TIMP2: variants seen among roughly 807,000 people sequenced by gnomAD.
TIMP2 encodes metalloproteinase inhibitor 2.
In TIMP2, 5 loss-of-function variants were observed where a neutral mutation model predicts 24.3. The ratio of observed to expected loss-of-function variants is 0.21; its 90% CI spans 0.11 to 0.43. The LOEUF (loss-of-function observed/expected upper bound fraction) is 0.43. Ranked by LOEUF, TIMP2 falls within the 20% of genes least tolerant of loss-of-function variation. The probability of loss-of-function intolerance (pLI) is 1.00; values close to 1 mark genes in which losing one functional copy is unlikely to be tolerated. For missense variants in TIMP2, 221 were observed against 297.5 expected (o/e 0.74, Z 1.89); for synonymous variants, 130 against 123.2 (o/e 1.06, Z -0.37).
chr17:78,893,224 GGT>G lies in TIMP2; in HGVS notation c.131-19307_131-19306del, dbSNP rs544733250. Among the ~76,000 whole-genome samples, 492 of 135,328 alleles carry G rather than the reference GGT, an allele frequency of 3.6e-3. 7 individuals are homozygous for G. Among genetic ancestry groups the G allele is most frequent in the African/African-American group, 0.013 (454 of 35,878 alleles). The allele number at this position is 135,328 out of a possible 152,430, so 88.8% of individuals were successfully genotyped here. ...GGATGTGTGTGCATGTGTGTGCAGGGGTGTGTGTGCATGTGTGTGTAGGAGTG... is the reference window on the plus strand; with the variant it reads ...GGATGTGTGTGCATGTGTGTGCAGGGGTGTGTGCATGTGTGTGTAGGAGTG... On this transcript the variant is annotated intron_variant, in intron 1 of 4. Transcript: ENST00000262768.
At chr17:78,918,065 A>ACACACACGCGCACACACACACTCACAC (rs1555652947) in intron 1 of TIMP2, among the ~76,000 whole-genome samples, 1 of 144,812 alleles carries the variant, frequency 6.9e-6, no homozygotes, top group African/African-American at 2.6e-5. Context: ...TGCACACACA[A>ACACACACGCGCACACACACACTCACAC]ACACACACAC....
chr17:78,891,979 A>T lies in TIMP2; in HGVS notation c.131-18060T>A. On this transcript the variant is annotated intron_variant, in intron 1 of 4. Transcript: ENST00000262768. The surrounding 1 kb of genome is among the most constrained non-coding windows in gnomAD (Gnocchi z 4.5). Reference sequence around the variant, plus strand: ...ACTCTTCCCTGCAACTCCTCTCTTCACTAAGGGCTGCTCTATGCTTCTCCT... The same window carrying T: ...ACTCTTCCCTGCAACTCCTCTCTTCTCTAAGGGCTGCTCTATGCTTCTCCT... 1 of 1,550,356 alleles carries T rather than the reference A, an allele frequency of 6.5e-7. No homozygotes were observed. The highest frequency in any genetic ancestry group is 8.7e-7 in the Non-Finnish European group (1 of 1,146,944).
At chr17:78,874,383 A>T (rs1213564396) in intron 1 of TIMP2, among the ~76,000 whole-genome samples, 1 of 152,086 alleles carries the variant, frequency 6.6e-6, no homozygotes, top group African/African-American at 2.4e-5. Context: ...TCCGCGAAGG[A>T]TGGGACATTT....
intron 3 of TIMP2, 73 bp from the exon 4 acceptor site, chr17:78,857,719 C>T (rs564706146): frequency 4.4e-6 from 7 of 1,593,790 alleles, no homozygotes; most frequent in South Asian, 1.1e-5. Flanking sequence ...CTCCACCCGG[C>T]GCAGGGGCGC....
rs1029278688 is a variant in TIMP2, at chr17:78,896,978, C to T, written c.131-23059G>A. ...CCTCTGGCCTACAGCTTGAGAATGA[C>T]GTCCAAGCAGCTCGCCTTTCCCTGG... On this transcript the variant is annotated intron_variant, in intron 1 of 4. Coordinates refer to ENST00000262768, the MANE Select transcript of TIMP2 (RefSeq NM_003255.5). The surrounding 1 kb of genome is among the most constrained non-coding windows in gnomAD (Gnocchi z 4.4). 7 of 985,388 alleles carry T rather than the reference C, an allele frequency of 7.1e-6. No homozygotes were observed. Among genetic ancestry groups the T allele is most frequent in the Middle Eastern group, 5.2e-4 (1 of 1,914 alleles). The allele number at this position is 985,388 out of a possible 1,614,324, so 61.0% of individuals were successfully genotyped here.
At position 78,891,477 on chromosome 17, in the gene TIMP2, A is replaced by T; in HGVS notation, c.131-17558T>A. 1 of 1,550,952 alleles carries T rather than the reference A, an allele frequency of 6.4e-7. No homozygotes were observed. The highest frequency in any genetic ancestry group is 8.7e-7 in the Non-Finnish European group (1 of 1,147,082). ...ATATTAAACAACTCTTCAAAGGCCA[A>T]CTCCAGCTCTTTCTGCCACTTGTTC... is the stretch of plus-strand genomic sequence containing the variant. On this transcript the variant is annotated intron_variant, in intron 1 of 4. Coordinates refer to ENST00000262768, the MANE Select transcript of TIMP2 (RefSeq NM_003255.5). This position sits in a 1 kb window ranked among gnomAD's most constrained non-coding sequence, Gnocchi z 4.5.
At chr17:78,876,488 C>G (rs1310603619) in intron 1 of TIMP2, among the ~76,000 whole-genome samples, 1 of 152,086 alleles carries the variant, frequency 6.6e-6, no homozygotes, top group African/African-American at 2.4e-5. Context: ...GCTGGGATTA[C>G]AGGTGGGCAC....
At chr17:78,914,671 G>T (rs1391157880) in intron 1 of TIMP2, among the ~76,000 whole-genome samples, 1 of 151,942 alleles carries the variant, frequency 6.6e-6, no homozygotes, top group Non-Finnish European at 1.5e-5. Flanking sequence ...AAACTCCTGG[G>T]CTCCAGTGAT....
At chr17:78,862,405 A>T (rs1487631282) in intron 3 of TIMP2, among the ~76,000 whole-genome samples, 1 of 152,256 alleles carries the variant, frequency 6.6e-6, no homozygotes, top group Admixed American at 6.5e-5. Flanking sequence ...AAGTCAGATG[A>T]GAGAGGTTCC....
intron 1 of TIMP2, chr17:78,900,893 C>T (rs1041388684): frequency 6.6e-6 from 1 of 152,272 alleles, no homozygotes; most frequent in Non-Finnish European, 1.5e-5. Flanking sequence ...GAAGGGCCAA[C>T]GTGACTGTCC....
In TIMP2 at chr17:78,891,869, C is replaced by A; in HGVS notation, c.131-17950G>T. Reference sequence around the variant, plus strand: ...AGGCGGGGCCAGGTGAGAATTCATCCGACCCGTGGCTTTTGTAGTCTGTGG... The same window carrying A: ...AGGCGGGGCCAGGTGAGAATTCATCAGACCCGTGGCTTTTGTAGTCTGTGG... On this transcript the variant is annotated intron_variant, in intron 1 of 4. Transcript: ENST00000262768. This position sits in a 1 kb window ranked among gnomAD's most constrained non-coding sequence, Gnocchi z 4.5. 1.3e-6 allele frequency: 2 copies of A among 1,550,652 alleles called. No homozygotes were observed. Among genetic ancestry groups the A allele is most frequent in the South Asian group, 1.2e-5 (1 of 84,064 alleles).
intron 1 of TIMP2, among the ~76,000 whole-genome samples, chr17:78,876,298 T>C (rs1531796): frequency 0.93 from 141,375 of 152,190 alleles, 65,752 homozygotes; most frequent in African/African-American, 0.95. Context: ...TCATAATACT[T>C]GTCTGCCCTG....
At position 78,902,929 on chromosome 17, in the gene TIMP2, C is replaced by T. The variant is rs186948541; in HGVS notation, c.130+22030G>A. Among the ~76,000 whole-genome samples the T allele has an allele frequency of 2.2e-3, 333 of 152,374 alleles. 2 individuals carry two copies. Among genetic ancestry groups the T allele is most frequent in the Admixed American group, 2.7e-3 (41 of 15,310 alleles). ...GCTTCCCTCACTCTCCTTCCCATCA[C>T]ACTGCCTGTGGGGAGCCCCGTGGTG... On this transcript the variant is annotated intron_variant, in intron 1 of 4. Transcript: ENST00000262768.
intron 1 of TIMP2, among the ~76,000 whole-genome samples, chr17:78,911,893 C>CACA (rs566238336): frequency 1.9e-5 from 2 of 108,074 alleles, no homozygotes; most frequent in Non-Finnish European, 3.7e-5. Flanking sequence ...TAAAAACACA[C>CACA]CAAAAAAAAA....
chr17:78,897,873 G>A (rs989630624), intron 1 of TIMP2: 4 of 152,196 alleles, frequency 2.6e-5, no homozygotes, highest in Admixed American at 6.5e-5. Flanking sequence ...CTGCTGTGTC[G>A]GTTTTCCTGG....
Position 78,900,979 on chromosome 17 carries a change from T to C in TIMP2, c.130+23980A>G, listed in dbSNP as rs1437929685. 2.6e-5 allele frequency: 4 copies of C among 152,496 alleles called. No homozygotes were observed. In the East Asian group the frequency reaches 7.7e-4, roughly 29 times the overall value. The allele number at this position is 152,496 out of a possible 1,614,324, so 9.4% of individuals were successfully genotyped here. A position where few individuals can be genotyped will look rare whatever the true frequency, so the allele number is the denominator to read the frequency against. On this transcript the variant is annotated intron_variant, in intron 1 of 4. Coordinates refer to ENST00000262768, the MANE Select transcript of TIMP2 (RefSeq NM_003255.5). ...CCAGCCCGACCTCACCTGGCCATGC[T>C]AGGAGGCAGTGGGCAAGCGGCAACG...
At position 78,883,203 on chromosome 17, in the gene TIMP2, G is replaced by T. The variant is rs997773246; in HGVS notation, c.131-9284C>A. On this transcript the variant is annotated intron_variant, in intron 1 of 4. Transcript: ENST00000262768. The stretch of plus-strand genomic sequence containing the variant: ...AGCAGGAAAGACCTCAGCAGAGGGG[G>T]CACCATAGGAGCACACTGGACATCC... Among the ~76,000 whole-genome samples the T allele has an allele frequency of 2.0e-5, 3 of 152,218 alleles. No individual in the cohort carries two copies. The South Asian group carries it at 6.2e-4, about 31-fold the overall frequency.
intron 3 of TIMP2, among the ~76,000 whole-genome samples, chr17:78,864,063 T>C (rs1599146139): frequency 6.6e-6 from 1 of 152,170 alleles, no homozygotes; most frequent in African/African-American, 2.4e-5. Context: ...CATCTTTTCA[T>C]GACACTTAGT....
At position 78,891,158 on chromosome 17, in the gene TIMP2, G is replaced by T; in HGVS notation, c.131-17239C>A. On this transcript the variant is annotated intron_variant, in intron 1 of 4. Transcript: ENST00000262768. This position sits in a 1 kb window ranked among gnomAD's most constrained non-coding sequence, Gnocchi z 4.5. ...AAATATACCTGCCTCGGGAGACAATGTTTGACTTCCATTTCTAAACGTGGG... is the reference window on the plus strand; with the variant it reads ...AAATATACCTGCCTCGGGAGACAATTTTTGACTTCCATTTCTAAACGTGGG... 1.3e-6 allele frequency: 2 copies of T among 1,550,688 alleles called. No individual in the cohort carries two copies. The highest frequency in any genetic ancestry group is 1.7e-6 in the Non-Finnish European group (2 of 1,147,020).
Sources: gnomAD v4.1 joint callset for allele counts (sites outside exome capture counted in the v4.1 genomes callset) on GRCh38, gnomAD v4.1.1 for gene constraint, Gnocchi (gnomAD v3.1) non-coding constraint, MANE v1.5 for transcripts, NCBI Gene and HGNC (gene_info 2026-07-23, HGNC 2026-07-21) for gene names.